The following GPC6 variants were observed in gnomAD, a reference collection of about 807,000 sequenced individuals.
GPC6 encodes the protein glypican 6, also known as glypican-6.
Under a neutral mutation model 55.2 loss-of-function variants are expected in GPC6, and 14 were observed. The ratio of observed to expected loss-of-function variants is 0.25; its 90% CI spans 0.17 to 0.40. The LOEUF (loss-of-function observed/expected upper bound fraction) is 0.40. GPC6 is among the 10% of genes least tolerant of loss of function. The pLI, the probability that GPC6 is intolerant of heterozygous loss-of-function variation, is 1.00. For missense variants in GPC6, 641 were observed against 708.5 expected (o/e 0.90, Z 1.08); for synonymous variants, 278 against 259.6 (o/e 1.07, Z -0.68).
At chr13:93,800,926 T>G (rs1202747323) in intron 2 of GPC6, among the ~76,000 whole-genome samples, 1 of 152,158 alleles carries the variant, frequency 6.6e-6, no homozygotes, top group African/African-American at 2.4e-5. Flanking sequence ...TTAAACTTCT[T>G]GAGTTATTTG....
chr13:94,036,243 T>C (rs1883328766), intron 4 of GPC6, among the ~76,000 whole-genome samples: 1 of 152,012 alleles, frequency 6.6e-6, no homozygotes, highest in Admixed American at 6.6e-5. Flanking sequence ...GAATTTAAAT[T>C]AAAATAGAGC....
chr13:93,272,492 G>GTATATATATATATATATGTATATA (rs1877567411), intron 1 of GPC6, among the ~76,000 whole-genome samples: 1 of 137,176 alleles, frequency 7.3e-6, no homozygotes, highest in Admixed American at 7.3e-5. Flanking sequence ...TTGTCTGTGT[G>GTATATATATATATATATGTATATA]TATATATATA....
intron 1 of GPC6, among the ~76,000 whole-genome samples, chr13:93,366,673 T>A (rs1173256120): frequency 1.3e-5 from 2 of 152,044 alleles, no homozygotes; most frequent in South Asian, 4.1e-4. Flanking sequence ...CTCATTCAAA[T>A]TGAGCAGATT....
intron 1 of GPC6, among the ~76,000 whole-genome samples, chr13:93,466,413 A>C (rs1878906761): frequency 6.6e-6 from 1 of 152,202 alleles, no homozygotes; most frequent in African/African-American, 2.4e-5. Flanking sequence ...TCTCTGAAAC[A>C]TAGAAAATTT....
intron 3 of GPC6, among the ~76,000 whole-genome samples, chr13:93,947,493 C>T (rs767118637): frequency 3.9e-5 from 6 of 152,106 alleles, no homozygotes; most frequent in Non-Finnish European, 8.8e-5. Context: ...GATAGATACG[C>T]AATATGCAAC....
chr13:94,124,330 A>C (rs532424517), intron 4 of GPC6, among the ~76,000 whole-genome samples: 1 of 152,044 alleles, frequency 6.6e-6, no homozygotes, highest in Non-Finnish European at 1.5e-5. Context: ...TCATTTATTC[A>C]TTCAACAAAT....
At chr13:93,290,343 C>T (rs899892700) in intron 1 of GPC6, among the ~76,000 whole-genome samples, 2 of 152,090 alleles carry the variant, frequency 1.3e-5, no homozygotes, top group African/African-American at 4.8e-5. Flanking sequence ...GAACTATTTC[C>T]ACAATCTGTC....
intron 2 of GPC6, among the ~76,000 whole-genome samples, chr13:93,821,000 A>C (rs905264337): frequency 7.2e-5 from 11 of 152,194 alleles, no homozygotes; most frequent in Admixed American, 2.0e-4. Flanking sequence ...ACTAATAATT[A>C]AACTGTCTTC....
intron 2 of GPC6, among the ~76,000 whole-genome samples, chr13:93,703,497 C>A (rs1882743344): frequency 6.6e-6 from 1 of 151,852 alleles, no homozygotes; most frequent in Non-Finnish European, 1.5e-5. Flanking sequence ...TTGCCACAAA[C>A]CTTAACTATG....
At chr13:94,144,793 G>A (rs1335572831) in intron 4 of GPC6, among the ~76,000 whole-genome samples, 1 of 151,936 alleles carries the variant, frequency 6.6e-6, no homozygotes, top group Non-Finnish European at 1.5e-5. Context: ...TATTCTTACT[G>A]CCTGGAATAA....
intron 1 of GPC6, among the ~76,000 whole-genome samples, chr13:93,363,909 G>A (rs897679371): frequency 1.6e-4 from 24 of 151,954 alleles, no homozygotes; most frequent in Admixed American, 8.5e-4. Flanking sequence ...TTTTTCATGT[G>A]TTTTTTGGCT....
chr13:94,109,763 A>T (rs1355266195), intron 4 of GPC6, among the ~76,000 whole-genome samples: 5 of 152,162 alleles, frequency 3.3e-5, no homozygotes, highest in African/African-American at 1.2e-4. Context: ...GTATTTATAC[A>T]GCTTGTATTT....
At chr13:93,640,064 A>G (rs1202125484) in intron 2 of GPC6, among the ~76,000 whole-genome samples, 1 of 152,114 alleles carries the variant, frequency 6.6e-6, no homozygotes, top group African/African-American at 2.4e-5. Context: ...TAATATGTTC[A>G]TTAATAAGCA....
Position 94,335,812 on chromosome 13 carries a change from C to G in GPC6, c.1152+29689C>G, listed in dbSNP as rs566104924. Among the ~76,000 whole-genome samples, 8 of 149,598 alleles carry G rather than the reference C, an allele frequency of 5.3e-5. No individual in the cohort carries two copies. The East Asian group carries it at 1.7e-3, about 32-fold the overall frequency. On this transcript the variant is annotated intron_variant, in intron 6 of 8. Coordinates refer to ENST00000377047, the MANE Select transcript of GPC6 (RefSeq NM_005708.5). ...ATTATCTGAACTTTAGGGAGAACAT[C>G]CATGCCAAAATCAGCACCATCTGTT...
At chr13:93,899,334 A>G (rs1238090973) in intron 3 of GPC6, among the ~76,000 whole-genome samples, 1 of 152,050 alleles carries the variant, frequency 6.6e-6, no homozygotes, top group African/African-American at 2.4e-5. Context: ...ATTAACTCAG[A>G]TTTAGTGGCT....
intron 6 of GPC6, among the ~76,000 whole-genome samples, chr13:94,360,481 A>T (rs1879009018): frequency 6.6e-6 from 1 of 152,178 alleles, no homozygotes; most frequent in Non-Finnish European, 1.5e-5. Flanking sequence ...ATCTTGAAAA[A>T]TGTATAGTCT....
chr13:93,595,735 T>C (rs1426684806), intron 2 of GPC6, among the ~76,000 whole-genome samples: 2 of 152,194 alleles, frequency 1.3e-5, no homozygotes, highest in African/African-American at 2.4e-5. Flanking sequence ...TATCTATTCA[T>C]TATTTTGTTC....
chr13:93,759,279 A>G (rs957457182), intron 2 of GPC6, among the ~76,000 whole-genome samples: 2 of 152,148 alleles, frequency 1.3e-5, no homozygotes, highest in East Asian at 3.9e-4. Flanking sequence ...TAGTGTCCCC[A>G]TATGTATCCC....
intron 2 of GPC6, among the ~76,000 whole-genome samples, chr13:93,569,629 A>G (rs9589776): frequency 0.033 from 4,968 of 152,092 alleles, 253 homozygotes; most frequent in African/African-American, 0.11. Flanking sequence ...TGTTTCCCTA[A>G]GAAAACTAAG....
Sources: allele counts gnomAD v4.1 joint callset (sites outside exome capture counted in the v4.1 genomes callset), GRCh38; gene constraint gnomAD v4.1.1; transcripts MANE v1.5; gene names NCBI Gene and HGNC (gene_info 2026-07-23, HGNC 2026-07-21).